Variants in LARP1B observed in about 807,000 individuals in gnomAD.
LARP1B encodes la-related protein 1B.
A neutral mutation model predicts 114.2 loss-of-function variants in LARP1B; 76 were observed. That is an observed-to-expected ratio of 0.67 (90% CI 0.55 to 0.81). The LOEUF (loss-of-function observed/expected upper bound fraction) is 0.81, where lower values mean the gene tolerates loss of function less well. Among genes scored for constraint, LARP1B ranks in the 30% least tolerant of loss-of-function variants. The pLI is 0.00. For missense variants in LARP1B, 1,014 were observed against 1,075.8 expected (o/e 0.94, Z 0.80); for synonymous variants, 345 against 348.0 (o/e 0.99, Z 0.10).
chr4:128,182,093 T>G (rs1276638287), intron 15 of LARP1B, among the ~76,000 whole-genome samples: 1 of 148,658 alleles, frequency 6.7e-6, no homozygotes, highest in African/African-American at 2.5e-5. Flanking sequence ...ATTACAGGCA[T>G]GAGCCACTGC....
rs1408630084 is a variant in LARP1B at position 128,091,633 on chromosome 4, G to T, written c.668+121G>T. 7.1e-6 allele frequency: 5 copies of T among 701,588 alleles called. No individual in the cohort carries two copies. The Admixed American group carries it at 9.1e-5, about 13-fold the overall frequency. The allele number at this position is 701,588 out of a possible 1,614,324, so 43.5% of individuals were successfully genotyped here. A position where few individuals can be genotyped will look rare whatever the true frequency, so the allele number is the denominator to read the frequency against. On this transcript the variant is annotated intron_variant, in intron 7 of 19. Coordinates refer to ENST00000326639, the MANE Select transcript of LARP1B (RefSeq NM_018078.4). Reference sequence around the variant, plus strand: ...TTTTTTTGAGACAGAGTCTCACTCTGTTGCCCAGGCTGGAGTGTAGTGGTA... The same window carrying T: ...TTTTTTTGAGACAGAGTCTCACTCTTTTGCCCAGGCTGGAGTGTAGTGGTA...
chr4:128,135,906 G>A (rs1055998258), intron 11 of LARP1B, among the ~76,000 whole-genome samples: 5 of 151,964 alleles, frequency 3.3e-5, no homozygotes, highest in Non-Finnish European at 5.9e-5. Flanking sequence ...GGTTAAGATC[G>A]TAAATTTTGT....
At chr4:128,168,686 A>G (rs1033682932) in intron 12 of LARP1B, among the ~76,000 whole-genome samples, 4 of 151,426 alleles carry the variant, frequency 2.6e-5, no homozygotes, top group African/African-American at 9.7e-5. Flanking sequence ...TTTAGTTATT[A>G]TATTATCCTT....
At chr4:128,090,562 C>A (rs1300042764) in intron 5 of LARP1B, among the ~76,000 whole-genome samples, 1 of 152,126 alleles carries the variant, frequency 6.6e-6, no homozygotes, top group South Asian at 2.1e-4. Context: ...CTTCAGATAT[C>A]TTTTCTCAAT....
Position 128,075,008 on chromosome 4 carries a change from A to G in LARP1B, c.42+15A>G, listed in dbSNP as rs774373088. 1.3e-6 allele frequency: 2 copies of G among 1,571,194 alleles called. No homozygotes were observed. Among genetic ancestry groups the G allele is most frequent in the Admixed American group, 1.8e-5 (1 of 56,674 alleles). ...TGAACACTGGAGTGAGTATTGTTTT[A>G]AAGTTTTTTTTTTTAAAGAAAGGAA... On this transcript the variant is annotated intron_variant, in intron 3 of 19. Coordinates refer to ENST00000326639, the MANE Select transcript of LARP1B (RefSeq NM_018078.4).
At chr4:128,095,992 A>ATTTTTT (rs71587360) in intron 7 of LARP1B, among the ~76,000 whole-genome samples, 4 of 125,368 alleles carry the variant, frequency 3.2e-5, no homozygotes, top group Non-Finnish European at 3.3e-5. Context: ...GGAGGCTATA[A>ATTTTTT]TTTTTTTTTT....
chr4:128,073,591 T>TTTGTA (rs1561057184), intron 1 of LARP1B, among the ~76,000 whole-genome samples: 3 of 27,916 alleles, frequency 1.1e-4, no homozygotes, highest in Admixed American at 6.5e-4. Flanking sequence ...TTTTTTTTTT[T>TTTGTA]TTTTTTTTTT....
chr4:128,122,749 G>A (rs2086526474), intron 11 of LARP1B: 1 of 1,204,780 alleles, frequency 8.3e-7, no homozygotes, highest in South Asian at 4.2e-5. Context: ...GTGGTGCTAG[G>A]GTTACTTTTT....
At chr4:128,066,415 T>TGATCCGCCGG (rs1357051523) in intron 1 of LARP1B, among the ~76,000 whole-genome samples, 1 of 151,536 alleles carries the variant, frequency 6.6e-6, no homozygotes, top group Non-Finnish European at 1.5e-5. Flanking sequence ...GCTGACCTCG[T>TGATCCGCCGG]GATCCGCCGG....
chr4:128,082,826 TA>T (rs1771069734), intron 5 of LARP1B, among the ~76,000 whole-genome samples: 1 of 151,450 alleles, frequency 6.6e-6, no homozygotes, highest in African/African-American at 2.4e-5. Context: ...TTTTAATTTT[TA>T]TTTTTTTTAT....
chr4:128,063,186 G>T (rs1760965743), intron 1 of LARP1B, among the ~76,000 whole-genome samples: 1 of 152,000 alleles, frequency 6.6e-6, no homozygotes, highest in South Asian at 2.1e-4. Flanking sequence ...CAGCACTTTG[G>T]GAGGCCGAGG....
chr4:128,126,402 C>T (rs762738235), intron 11 of LARP1B, among the ~76,000 whole-genome samples: 6 of 152,126 alleles, frequency 3.9e-5, no homozygotes, highest in Non-Finnish European at 5.9e-5. Context: ...GGATTACAGG[C>T]GTGAGCCACC....
chr4:128,141,641 C>T (rs1728134774), intron 11 of LARP1B, among the ~76,000 whole-genome samples: 1 of 152,146 alleles, frequency 6.6e-6, no homozygotes, highest in South Asian at 2.1e-4. Context: ...GTGGCCTAAA[C>T]ATCAGTTCCC....
Position 128,114,652 on chromosome 4 carries a change from T to C in LARP1B, c.1071T>C (p.Ser357=). 1 of 1,613,910 alleles carries C rather than the reference T, an allele frequency of 6.2e-7. No individual in the cohort carries two copies. The highest frequency in any genetic ancestry group is 8.5e-7 in the Non-Finnish European group (1 of 1,179,846). The stretch of plus-strand genomic sequence containing the variant: ...AAACAAGTATTCTTCAAGCAATGTC[T>C]AGAGGTTTGTCTACCAGTTTGCCTG... ...NSETSILQAM[S]RGLSTSLPDL... Residue 357 remains serine (S), a synonymous_variant, in exon 10 of 20, where the codon TCT becomes TCC. Transcript: ENST00000326639.
chr4:128,076,333 C>T (rs1279353451), intron 3 of LARP1B, among the ~76,000 whole-genome samples: 2 of 152,118 alleles, frequency 1.3e-5, no homozygotes, highest in African/African-American at 4.8e-5. Flanking sequence ...AAGAGGTAAT[C>T]TTATATTTGA....
intron 12 of LARP1B, among the ~76,000 whole-genome samples, chr4:128,167,041 T>C (rs1287028515): frequency 6.7e-6 from 1 of 150,334 alleles, no homozygotes; most frequent in Non-Finnish European, 1.5e-5. Flanking sequence ...TGTGTACGTA[T>C]ATATACACAC....
chr4:128,183,900 G>A (rs2150720056), intron 15 of LARP1B, among the ~76,000 whole-genome samples: 1 of 152,358 alleles, frequency 6.6e-6, no homozygotes, highest in African/African-American at 2.4e-5. Flanking sequence ...TCAGACTTCA[G>A]TGGAGGATTT....
chr4:128,212,680 A>G (rs1759150574), downstream of LARP1B, among the ~76,000 whole-genome samples: 1 of 152,044 alleles, frequency 6.6e-6, no homozygotes, highest in Non-Finnish European at 1.5e-5. Context: ...AAAAACAAAC[A>G]AACAACAATG....
chr4:128,077,542 G>A (rs538491374), intron 3 of LARP1B, among the ~76,000 whole-genome samples: 6 of 120,486 alleles, frequency 5.0e-5, no homozygotes, highest in Admixed American at 2.1e-4. Flanking sequence ...GTATTGATTT[G>A]TTGTTACTGA....
Sources: allele counts gnomAD v4.1 joint callset (sites outside exome capture counted in the v4.1 genomes callset), GRCh38; gene constraint gnomAD v4.1.1; transcripts MANE v1.5; gene names NCBI Gene and HGNC (gene_info 2026-07-23, HGNC 2026-07-21).